Variants in LHX4 observed in about 807,000 individuals in gnomAD.
The protein encoded by LHX4 is LIM homeobox 4, also known as LIM/homeobox protein Lhx4.
A neutral mutation model predicts 39.2 loss-of-function variants in LHX4; 16 were observed. The ratio of observed to expected loss-of-function variants is 0.41; its 90% CI spans 0.28 to 0.62. LHX4 has a LOEUF of 0.62. LHX4 is among the 20% of genes least tolerant of loss of function. The pLI is 0.33. For synonymous variants in LHX4, 206 were observed against 198.1 expected (o/e 1.04, Z -0.33); for missense variants, 439 against 511.9 (o/e 0.86, Z 1.37).
At position 180,271,484 on chromosome 1, in the gene LHX4, G is replaced by A. The variant is rs757908143; in HGVS notation, c.556G>A (p.Val186Met). 26 of 1,614,056 alleles carry A rather than the reference G, an allele frequency of 1.6e-5. No individual in the cohort carries two copies. The highest frequency in any genetic ancestry group is 2.0e-5 in the Non-Finnish European group (24 of 1,180,040). ...GAACTCCCCCAAGCCTGCCCGGCAC[G>A]TGAGGGAGCAGCTGTCCTCAGAGAC... is the stretch of plus-strand genomic sequence containing the variant. ...YKNSPKPARH[V>M]REQLSSETGL... The change falls in exon 4 of 6, where the codon GTG becomes ATG. Residue 186 changes from valine to methionine, a missense_variant. Val to Met is a conservative substitution (Grantham distance 21). Coordinates refer to ENST00000263726, the MANE Select transcript of LHX4 (RefSeq NM_033343.4).
chr1:180,261,311 T>A (rs1648106250), intron 2 of LHX4, among the ~76,000 whole-genome samples: 1 of 151,010 alleles, frequency 6.6e-6, no homozygotes, highest in Non-Finnish European at 1.5e-5. Flanking sequence ...CAGGCAGGGA[T>A]CATAGCATGC....
rs1558207235 is a variant in LHX4 at position 180,234,209 on chromosome 1, AT to A, written c.76+3605del. On this transcript the variant is annotated intron_variant, in intron 1 of 5. Coordinates refer to ENST00000263726, the MANE Select transcript of LHX4 (RefSeq NM_033343.4). This position sits in a 1 kb window ranked among gnomAD's most constrained non-coding sequence, Gnocchi z 4.8. ...TATATATATATATATATATATATAT[AT>A]ATATATATATAATAGATTGAGATTC... Among the ~76,000 whole-genome samples, 290 of 63,332 alleles carry A rather than the reference AT, an allele frequency of 4.6e-3. 4 individuals are homozygous for A. The highest frequency in any genetic ancestry group is 0.012 in the South Asian group (14 of 1,174). The allele number at this position is 63,332 out of a possible 152,430, so 41.5% of individuals were successfully genotyped here.
intron 2 of LHX4, among the ~76,000 whole-genome samples, chr1:180,254,415 C>T (rs1647759761): frequency 6.6e-6 from 1 of 152,234 alleles, no homozygotes; most frequent in South Asian, 2.1e-4. Context: ...AGTCTGCAGG[C>T]CGTAGGTGGG....
At chr1:180,257,528 A>T (rs1647907634) in intron 2 of LHX4, among the ~76,000 whole-genome samples, 1 of 152,240 alleles carries the variant, frequency 6.6e-6, no homozygotes, top group Non-Finnish European at 1.5e-5. Context: ...ATTCTGGGGC[A>T]GAACTTTATG....
chr1:180,248,865 G>C (rs2149256647), intron 2 of LHX4, among the ~76,000 whole-genome samples: 1 of 152,346 alleles, frequency 6.6e-6, no homozygotes, highest in Non-Finnish European at 1.5e-5. Context: ...GCTGCTTTTA[G>C]GTTCATGTCC....
At position 180,271,545 on chromosome 1, in the gene LHX4, A is replaced by G; in HGVS notation, c.606+11A>G. 1 of 1,614,016 alleles carries G rather than the reference A, an allele frequency of 6.2e-7. No individual in the cohort carries two copies. The highest frequency in any genetic ancestry group is 1.1e-5 in the South Asian group (1 of 91,080). ...ATGAGGGTCGTACAGGTGAGATGCCAGCACTCCTGTGCCCTCCGGGGATCC... is the reference window on the plus strand; with the variant it reads ...ATGAGGGTCGTACAGGTGAGATGCCGGCACTCCTGTGCCCTCCGGGGATCC... On this transcript the variant is annotated intron_variant, in intron 4 of 5. Coordinates refer to ENST00000263726, the MANE Select transcript of LHX4 (RefSeq NM_033343.4).
Position 180,248,398 on chromosome 1 carries a change from C to G in LHX4, c.190C>G (p.Leu64Val). The G allele has an allele frequency of 6.2e-7, 1 of 1,614,260 alleles. No individual in the cohort carries two copies. The highest frequency in any genetic ancestry group is 8.5e-7 in the Non-Finnish European group (1 of 1,180,056). The stretch of plus-strand genomic sequence containing the variant: ...CAAGTGTGCAGACTGCCAGATGCAG[C>G]TGGCGGACAGGTGCTTCTCCAGGGC... Reference protein sequence around the residue: ...CLKCADCQMQLADRCFSRAGS... With the variant: ...CLKCADCQMQVADRCFSRAGS... The change falls in exon 2 of 6, where the codon CTG (leucine) becomes GTG (valine). Residue 64 changes from leucine (L) to valine (V), a missense_variant. By Grantham distance (32) the Leu-to-Val change is conservative (BLOSUM62 1). Coordinates refer to ENST00000263726, the MANE Select transcript of LHX4 (RefSeq NM_033343.4).
chr1:180,265,392 G>A (rs1215732330), intron 2 of LHX4, among the ~76,000 whole-genome samples: 2 of 152,156 alleles, frequency 1.3e-5, no homozygotes, highest in African/African-American at 4.8e-5. Context: ...CTCCTTCACT[G>A]TCCCTGTCGG....
At chr1:180,235,674 T>C (rs1409023521) in intron 1 of LHX4, among the ~76,000 whole-genome samples, 2 of 152,130 alleles carry the variant, frequency 1.3e-5, no homozygotes, top group Admixed American at 6.5e-5. Flanking sequence ...TGGAAACGTG[T>C]CAGGCTCCAG....
chr1:180,260,021 C>A (rs1203373402), intron 2 of LHX4, among the ~76,000 whole-genome samples: 1 of 151,438 alleles, frequency 6.6e-6, no homozygotes, highest in Non-Finnish European at 1.5e-5. Flanking sequence ...GAAGGATGGT[C>A]TATGTGGGGA....
intron 1 of LHX4, among the ~76,000 whole-genome samples, chr1:180,246,437 C>T (rs1267972894): frequency 6.6e-6 from 1 of 152,182 alleles, no homozygotes; most frequent in Admixed American, 6.5e-5. Flanking sequence ...TGAGGCCAGG[C>T]GTGGTGGCTC....
intron 2 of LHX4, among the ~76,000 whole-genome samples, chr1:180,249,891 G>A (rs1647544475): frequency 6.7e-6 from 1 of 149,522 alleles, no homozygotes; most frequent in Non-Finnish European, 1.5e-5. Flanking sequence ...GTGTGAGTGT[G>A]TGTATGAGTG....
intron 4 of LHX4, 134 bp downstream of exon 4, chr1:180,271,668 C>G (rs954557223): frequency 2.2e-6 from 3 of 1,350,230 alleles, no homozygotes; most frequent in Non-Finnish European, 3.2e-6. Flanking sequence ...GAACTGAAGA[C>G]AGAGTTCTGA....
chr1:180,262,968 T>TG (rs1037168068), intron 2 of LHX4, among the ~76,000 whole-genome samples: 2 of 152,202 alleles, frequency 1.3e-5, no homozygotes, highest in South Asian at 2.1e-4. Context: ...GCTGCTCTCC[T>TG]GGGGGGACTG....
chr1:180,277,441 G>A lies in LHX4; in HGVS notation c.*2862G>A, dbSNP rs1355720085. ...TCTAGAGGCAACCATTATCTGCAGTGCCTGGCTGGTCGACTTTAGAGTAGG... is the reference window on the plus strand; with the variant it reads ...TCTAGAGGCAACCATTATCTGCAGTACCTGGCTGGTCGACTTTAGAGTAGG... On this transcript the variant is annotated 3_prime_UTR_variant, in exon 6 of 6. Coordinates refer to ENST00000263726, the MANE Select transcript of LHX4 (RefSeq NM_033343.4). 6.6e-6 allele frequency: 1 copy of A among 152,188 alleles called. No homozygotes were observed. Among genetic ancestry groups the A allele is most frequent in the East Asian group, 1.9e-4 (1 of 5,196 alleles). 9.4% of individuals were successfully genotyped at this position (152,188 alleles called of 1,614,324 possible). A position where few individuals can be genotyped will look rare whatever the true frequency, so the allele number is the denominator to read the frequency against.
intron 1 of LHX4, among the ~76,000 whole-genome samples, chr1:180,231,663 G>T (rs1170778142): frequency 6.6e-6 from 1 of 151,620 alleles, no homozygotes; most frequent in Non-Finnish European, 1.5e-5. Context: ...GGAGTTCCTC[G>T]CTCCGCTTGC....
chr1:180,233,836 T>G (rs1006245905), intron 1 of LHX4, among the ~76,000 whole-genome samples: 2 of 151,998 alleles, frequency 1.3e-5, no homozygotes, highest in African/African-American at 4.8e-5. Context: ...CCTTGTCTCC[T>G]AAAATGCTTC....
chr1:180,260,878 C>T (rs760071954), intron 2 of LHX4, among the ~76,000 whole-genome samples: 13 of 151,912 alleles, frequency 8.6e-5, no homozygotes, highest in South Asian at 2.1e-4. Flanking sequence ...CTGCAAACCC[C>T]GGTTCTCTCG....
At chr1:180,245,424 G>C (rs1647348193) in intron 1 of LHX4, among the ~76,000 whole-genome samples, 2 of 152,208 alleles carry the variant, frequency 1.3e-5, no homozygotes, top group Non-Finnish European at 2.9e-5. Context: ...CCCCTGGAGG[G>C]AGACCAGGGG....
Sources: allele counts gnomAD v4.1 joint callset (sites outside exome capture counted in the v4.1 genomes callset), GRCh38; gene constraint gnomAD v4.1.1; non-coding constraint Gnocchi (gnomAD v3.1); transcripts MANE v1.5; gene names NCBI Gene and HGNC (gene_info 2026-07-23, HGNC 2026-07-21).